CAPN14: variants seen among roughly 807,000 people sequenced by gnomAD.
The protein encoded by CAPN14 is calpain-14.
CAPN14 carries 94 observed loss-of-function variants against 101.3 expected under a neutral mutation model. That is an observed-to-expected ratio of 0.93 (90% CI 0.79 to 1.10). The LOEUF (loss-of-function observed/expected upper bound fraction) is 1.10. CAPN14 is among the 50% of genes least tolerant of loss of function. CAPN14 has a pLI of 0.00. For missense variants in CAPN14, 837 were observed against 828.4 expected (o/e 1.01, Z -0.13); for synonymous variants, 338 against 317.9 (o/e 1.06, Z -0.67).
At chr2:31,223,687 C>T (rs1037280898) in intron 2 of CAPN14, among the ~76,000 whole-genome samples, 1 of 151,994 alleles carries the variant, frequency 6.6e-6, no homozygotes, top group Admixed American at 6.6e-5. Flanking sequence ...CACCACGACG[C>T]GTGGCTAATT....
chr2:31,203,091 C>A lies in CAPN14; in HGVS notation c.274G>T (p.Asp92Tyr), dbSNP rs1466762969. 3.2e-6 allele frequency: 5 copies of A among 1,551,646 alleles called. No homozygotes were observed. The South Asian group carries it at 5.9e-5, about 18-fold the overall frequency. ...QFYFAKAKRL[D>Y]LCQGIVGDCW... ...TTACCTACTATCCCCTGGCACAGAT[C>A]CAGCCTTTTGGCCTTGGCAAAATAA... is the stretch of plus-strand genomic sequence containing the variant. Residue 92 changes from aspartate to tyrosine, a missense_variant, in exon 3 of 22, where the codon GAT (aspartate) becomes TAT (tyrosine). By Grantham distance (160) the Asp-to-Tyr change is radical. Transcript: ENST00000403897.
chr2:31,180,853 TG>T, intron 17 of CAPN14, 82 bp downstream of exon 17: 1 of 1,183,022 alleles, frequency 8.5e-7, no homozygotes, highest in Non-Finnish European at 1.2e-6. Flanking sequence ...GGATTGGGGT[TG>T]GGATTCAAAT....
chr2:31,177,886 T>G (rs1161600922), intron 18 of CAPN14, 65 bp from the exon 19 acceptor site: 1 of 1,191,438 alleles, frequency 8.4e-7, no homozygotes, highest in Non-Finnish European at 1.2e-6. Context: ...GAGAGCCCTG[T>G]GTGCCCCTTG....
intron 3 of CAPN14, among the ~76,000 whole-genome samples, 185 bp from the exon 4 acceptor site, chr2:31,202,437 C>A (rs1382353884): frequency 6.6e-6 from 1 of 152,164 alleles, no homozygotes; most frequent in East Asian, 1.9e-4. Context: ...TGAAATCCAA[C>A]TTGACCCCAA....
chr2:31,199,247 G>C (rs756916300), intron 7 of CAPN14, among the ~76,000 whole-genome samples: 2 of 152,200 alleles, frequency 1.3e-5, no homozygotes, highest in Non-Finnish European at 2.9e-5. Flanking sequence ...AGGATGGTTG[G>C]CTGAGGGCTG....
chr2:31,195,617 G>C (rs948494673), intron 8 of CAPN14, among the ~76,000 whole-genome samples: 1 of 152,178 alleles, frequency 6.6e-6, no homozygotes, highest in Non-Finnish European at 1.5e-5. Flanking sequence ...GATTACAGGT[G>C]TGAGTCACTA....
chr2:31,210,460 CATAAAATAAAATAAA>C lies in CAPN14; in HGVS notation c.-52-4976_-52-4962del, dbSNP rs10550181. ...GTGTCTCCATCTCAAAAAAATAAAA[CATAAAATAAAATAAA>C]ATAAAATAAAATAAAAGTTCAGTCA... On this transcript the variant is annotated intron_variant, in intron 1 of 21. Transcript: ENST00000403897. 2.7e-5 allele frequency among the ~76,000 whole-genome samples: 4 copies of C among 150,730 alleles called. No individual in the cohort carries two copies. In the East Asian group the frequency reaches 7.9e-4, roughly 30 times the overall value.
upstream of CAPN14, among the ~76,000 whole-genome samples, chr2:31,219,182 C>G (rs1454528056): frequency 6.7e-6 from 1 of 149,950 alleles, no homozygotes; most frequent in African/African-American, 2.5e-5. Flanking sequence ...ATAAATTGTG[C>G]TGCGGATTCA....
At chr2:31,232,898 G>C (rs952169651) in intron 1 of CAPN14, among the ~76,000 whole-genome samples, 5 of 152,168 alleles carry the variant, frequency 3.3e-5, no homozygotes, top group Admixed American at 6.5e-5. Flanking sequence ...CTGTGGAAGG[G>C]AGGGTAGTGG....
In CAPN14 at chr2:31,188,349, A is replaced by T; in HGVS notation, c.1499T>A (p.Ile500Asn). ...GAAGACGACACCAGAATTGCTGCCA[A>T]TTTCACTGAGAACAAACAAACAAGA... ...VFSRKHIFYE[I>N]GSNSGVVFSK... Residue 500 changes from isoleucine (I) to asparagine (N), a missense_variant, in exon 14 of 22, where the codon ATT becomes AAT. Physicochemically the swap from Ile to Asn is moderately radical, Grantham distance 149 (BLOSUM62 -3). Transcript: ENST00000403897. 4 of 1,551,618 alleles carry T rather than the reference A, an allele frequency of 2.6e-6. No homozygotes were observed. The highest frequency in any genetic ancestry group is 3.5e-6 in the Non-Finnish European group (4 of 1,146,952).
intron 17 of CAPN14, among the ~76,000 whole-genome samples, chr2:31,179,163 C>T (rs893365321): frequency 6.7e-6 from 1 of 149,458 alleles, no homozygotes; most frequent in Admixed American, 6.7e-5. Flanking sequence ...TGTTGGTTTG[C>T]TGCACCCATT....
chr2:31,188,197 A>G (rs748181990), intron 14 of CAPN14, 121 bp downstream of exon 14: 1 of 863,362 alleles, frequency 1.2e-6, no homozygotes, highest in Non-Finnish European at 1.9e-6. Context: ...TGTTTGCCAT[A>G]GAACAGGGTC....
At chr2:31,229,462 T>A (rs916143439) in intron 1 of CAPN14, among the ~76,000 whole-genome samples, 3 of 151,904 alleles carry the variant, frequency 2.0e-5, no homozygotes, top group Non-Finnish European at 4.4e-5. Flanking sequence ...GTATTCACTA[T>A]CAAATTTGAG....
At position 31,174,289 on chromosome 2, in the gene CAPN14, C is replaced by T; in HGVS notation, c.*392G>A. ...CAGACCTTAAAACCTAGATGATTACCCCACCATGTGAGAACATGTGGCATG... is the reference window on the plus strand; with the variant it reads ...CAGACCTTAAAACCTAGATGATTACTCCACCATGTGAGAACATGTGGCATG... On this transcript the variant is annotated 3_prime_UTR_variant, in exon 22 of 22. Coordinates refer to ENST00000403897, the MANE Select transcript of CAPN14 (RefSeq NM_001145122.2). The T allele has an allele frequency of 3.5e-6, 1 of 289,166 alleles. No homozygotes were observed. Among genetic ancestry groups the T allele is most frequent in the Non-Finnish European group, 6.5e-6 (1 of 154,368 alleles). 17.9% of individuals were successfully genotyped at this position (289,166 alleles called of 1,614,324 possible). A position where few individuals can be genotyped will look rare whatever the true frequency, so the allele number is the denominator to read the frequency against.
chr2:31,220,087 T>C (rs1682817465), upstream of CAPN14, among the ~76,000 whole-genome samples: 1 of 152,210 alleles, frequency 6.6e-6, no homozygotes, highest in South Asian at 2.1e-4. Flanking sequence ...ACTGTGTGAA[T>C]AGCTTCCAAG....
intron 17 of CAPN14, among the ~76,000 whole-genome samples, chr2:31,178,986 TTA>T (rs1680450786): frequency 6.6e-6 from 1 of 150,620 alleles, no homozygotes; most frequent in East Asian, 2.0e-4. Context: ...CATAAACAAA[TTA>T]AATATGACAT....
chr2:31,205,108 T>C (rs932439051), intron 2 of CAPN14, 115 bp downstream of exon 2: 6 of 832,664 alleles, frequency 7.2e-6, no homozygotes, highest in Non-Finnish European at 1.2e-5. Context: ...TTGTGTTGAG[T>C]GGAGAGGAGA....
At chr2:31,228,688 A>C (rs2148710137) in intron 1 of CAPN14, among the ~76,000 whole-genome samples, 1 of 152,342 alleles carries the variant, frequency 6.6e-6, no homozygotes, top group Non-Finnish European at 1.5e-5. Context: ...TAAAAGTAAT[A>C]ATCATTATAA....
At chr2:31,181,276 A>G (rs886370163) in intron 16 of CAPN14, among the ~76,000 whole-genome samples, 13 of 152,102 alleles carry the variant, frequency 8.5e-5, no homozygotes, top group African/African-American at 2.9e-4. Flanking sequence ...AGGGAGGGCC[A>G]GGATCATAGA....
Sources: gnomAD v4.1 joint callset for allele counts (sites outside exome capture counted in the v4.1 genomes callset) on GRCh38, gnomAD v4.1.1 for gene constraint, MANE v1.5 for transcripts, NCBI Gene and HGNC (gene_info 2026-07-23, HGNC 2026-07-21) for gene names.